Variants in TNNI3K observed in about 807,000 individuals in gnomAD.
TNNI3K encodes TNNI3 interacting kinase.
Under a neutral mutation model 114.5 loss-of-function variants are expected in TNNI3K, and 140 were observed. That is an observed-to-expected ratio of 1.22 (90% CI 1.07 to 1.41). The LOEUF is 1.41. Among genes scored for constraint, TNNI3K ranks in the 40% most tolerant of loss-of-function variants. TNNI3K has a pLI of 0.00. For synonymous variants in TNNI3K, 347 were observed against 347.5 expected (o/e 1.00, Z 0.02); for missense variants, 1,125 against 1,007.6 (o/e 1.12, Z -1.58).
intron 21 of TNNI3K, chr1:74,475,156 A>G (rs1570669386): frequency 1.8e-6 from 1 of 557,498 alleles, no homozygotes; most frequent in South Asian, 2.7e-5. Context: ...ACACACACAC[A>G]CAGTATTTTT....
chr1:74,476,754 T>C (rs1481388573), intron 21 of TNNI3K, among the ~76,000 whole-genome samples: 1 of 152,144 alleles, frequency 6.6e-6, no homozygotes, highest in East Asian at 1.9e-4. Context: ...TTTCTGGAAA[T>C]AAAGACAGCA....
chr1:74,536,328 A>G (rs1325658329), intron 23 of TNNI3K, among the ~76,000 whole-genome samples: 3 of 152,212 alleles, frequency 2.0e-5, no homozygotes, highest in Non-Finnish European at 4.4e-5. Flanking sequence ...AATGGCATGC[A>G]CACTCCAAAA....
At chr1:74,534,739 T>G (rs1235347108) in intron 23 of TNNI3K, among the ~76,000 whole-genome samples, 1 of 152,048 alleles carries the variant, frequency 6.6e-6, no homozygotes, top group Non-Finnish European at 1.5e-5. Flanking sequence ...ATTTCTTTTA[T>G]ATAAGAATTC....
chr1:74,326,452 A>G (rs1250680834), intron 5 of TNNI3K, among the ~76,000 whole-genome samples: 1 of 152,232 alleles, frequency 6.6e-6, no homozygotes, highest in Non-Finnish European at 1.5e-5. Flanking sequence ...GCCCTTTGTT[A>G]TTATAGGCAT....
chr1:74,295,921 TAAGTA>T (rs1657951394), intron 5 of TNNI3K, among the ~76,000 whole-genome samples: 2 of 152,312 alleles, frequency 1.3e-5, no homozygotes, highest in African/African-American at 4.8e-5. Context: ...TCTTTTAAGT[TAAGTA>T]TTTTTACTGG....
chr1:74,342,542 G>A (rs1174027763), intron 7 of TNNI3K, among the ~76,000 whole-genome samples: 3 of 152,192 alleles, frequency 2.0e-5, no homozygotes, highest in Non-Finnish European at 2.9e-5. Context: ...ATAAGGCCAC[G>A]TGTACCTTTT....
chr1:74,245,474 G>C (rs1654496469), intron 2 of TNNI3K, among the ~76,000 whole-genome samples: 1 of 152,134 alleles, frequency 6.6e-6, no homozygotes, highest in African/African-American at 2.4e-5. Flanking sequence ...GTAGAAATGA[G>C]ATCATATCCT....
At chr1:74,449,414 G>A (rs1390931612) in intron 20 of TNNI3K, among the ~76,000 whole-genome samples, 1 of 151,702 alleles carries the variant, frequency 6.6e-6, no homozygotes, top group Non-Finnish European at 1.5e-5. Context: ...CAAAAAACCA[G>A]CTCCTGGATT....
intron 5 of TNNI3K, among the ~76,000 whole-genome samples, chr1:74,316,730 C>T (rs1215801537): frequency 1.3e-5 from 2 of 151,842 alleles, no homozygotes; most frequent in Non-Finnish European, 2.9e-5. Context: ...CTCTCTGTCG[C>T]CCAGGCTGGA....
At chr1:74,456,977 C>T (rs1667253885) in intron 20 of TNNI3K, among the ~76,000 whole-genome samples, 1 of 152,024 alleles carries the variant, frequency 6.6e-6, no homozygotes. Context: ...AGTTTACTAC[C>T]CCTCCTTAAA....
chr1:74,319,455 T>G (rs766510383), intron 5 of TNNI3K, among the ~76,000 whole-genome samples: 7 of 152,214 alleles, frequency 4.6e-5, no homozygotes, highest in African/African-American at 7.2e-5. Context: ...GCAATACCAC[T>G]TATATTTTAT....
intron 5 of TNNI3K, among the ~76,000 whole-genome samples, chr1:74,275,154 G>A (rs888140226): frequency 1.3e-5 from 2 of 151,994 alleles, no homozygotes; most frequent in Admixed American, 1.3e-4. Context: ...TTTTCACACT[G>A]CTTATAAAGA....
Position 74,364,282 on chromosome 1 carries a change from G to A in TNNI3K, c.1178-2974G>A, listed in dbSNP as rs150461788. 4.6e-3 allele frequency among the ~76,000 whole-genome samples: 703 copies of A among 151,928 alleles called. 8 individuals carry two copies. The highest frequency in any genetic ancestry group is 0.016 in the African/African-American group (663 of 41,394). On this transcript the variant is annotated intron_variant, in intron 11 of 24. Transcript: ENST00000326637. ...AGCCCCACAAAACACTGGGGTATGA[G>A]TCAAGACACTCAGCCAAATTTTAAT...
intron 17 of TNNI3K, among the ~76,000 whole-genome samples, chr1:74,407,473 T>C (rs1664671379): frequency 6.6e-6 from 1 of 152,144 alleles, no homozygotes; most frequent in African/African-American, 2.4e-5. Flanking sequence ...ATTCAGGAAA[T>C]AATTTTTAAG....
intron 22 of TNNI3K, among the ~76,000 whole-genome samples, chr1:74,491,675 G>A (rs1484335980): frequency 2.6e-5 from 4 of 152,190 alleles, no homozygotes; most frequent in Non-Finnish European, 5.9e-5. Context: ...GGAAAAGTGT[G>A]TAAATTCATT....
intron 23 of TNNI3K, among the ~76,000 whole-genome samples, chr1:74,520,489 G>C (rs975881377): frequency 6.6e-5 from 10 of 151,678 alleles, no homozygotes; most frequent in Admixed American, 2.0e-4. Flanking sequence ...CCATCCATCT[G>C]TTTCCCTGTT....
chr1:74,267,393 GA>G (rs1570395174), intron 4 of TNNI3K, among the ~76,000 whole-genome samples: 1 of 151,868 alleles, frequency 6.6e-6, no homozygotes, highest in East Asian at 1.9e-4. Context: ...ACTCGATCAG[GA>G]AAACCACTAT....
At chr1:74,443,766 T>C (rs1215588884) in intron 20 of TNNI3K, among the ~76,000 whole-genome samples, 2 of 152,172 alleles carry the variant, frequency 1.3e-5, no homozygotes, top group African/African-American at 4.8e-5. Flanking sequence ...CTCAATAAAA[T>C]ACTGGCAAAC....
intron 23 of TNNI3K, among the ~76,000 whole-genome samples, chr1:74,527,146 GGTCACTGTAAACA>G (rs1646514482): frequency 6.6e-6 from 1 of 152,192 alleles, no homozygotes; most frequent in Admixed American, 6.5e-5. Flanking sequence ...GCTACCTTCA[GGTCACTGTAAACA>G]GTTTTACTAG....
Sources: gnomAD v4.1 joint callset for allele counts (sites outside exome capture counted in the v4.1 genomes callset) on GRCh38, gnomAD v4.1.1 for gene constraint, MANE v1.5 for transcripts, NCBI Gene and HGNC (gene_info 2026-07-23, HGNC 2026-07-21) for gene names.